TKTL1: variants seen among roughly 807,000 people sequenced by gnomAD.
TKTL1 encodes transketolase like 1, also known as transketolase-like protein 1.
A neutral mutation model predicts 39.3 loss-of-function variants in TKTL1; 1 was observed. The ratio of observed to expected loss-of-function variants is 0.03; its 90% CI spans 0.01 to 0.12. The LOEUF (loss-of-function observed/expected upper bound fraction) is 0.12. Ranked by LOEUF, TKTL1 falls within the 10% of genes least tolerant of loss-of-function variation. The pLI, the probability that TKTL1 is intolerant of heterozygous loss-of-function variation, is 1.00. For synonymous variants in TKTL1, 262 were observed against 193.8 expected, an observed-to-expected ratio of 1.35 and a Z score of -2.92; for missense variants, 575 against 509.6, an observed-to-expected ratio of 1.13 and a Z score of -1.24.
chrX:154,298,729 C>G (rs1477630136), intron 1 of TKTL1, among the ~76,000 whole-genome samples: 4 of 112,000 alleles, frequency 3.6e-5, no homozygotes, highest in African/African-American at 1.3e-4. Flanking sequence ...TAAATTTTTT[C>G]TATTTTCTTA....
chrX:154,311,073 T>G (rs782452282), intron 4 of TKTL1, 38 bp from the exon 5 acceptor site: 24 of 1,210,883 alleles, frequency 2.0e-5, no homozygotes, highest in Non-Finnish European at 2.6e-5. Context: ...TCCTGCCCCC[T>G]TCATCTCTTG....
chrX:154,300,016 T>A (rs2067260906), intron 1 of TKTL1, among the ~76,000 whole-genome samples: 1 of 106,122 alleles, frequency 9.4e-6, no homozygotes, highest in South Asian at 4.2e-4. Flanking sequence ...TAGTATTTTT[T>A]TTTTTTTTTT....
At chrX:154,320,969 T>C (rs1235796824) in intron 8 of TKTL1, 56 bp downstream of exon 8, 2 of 1,130,855 alleles carry the variant, frequency 1.8e-6, no homozygotes, top group South Asian at 3.7e-5. Context: ...AGAGAAAGAT[T>C]AGCATGTGAT....
At chrX:154,320,636 C>T in intron 7 of TKTL1, 121 bp from the exon 8 acceptor site, 1 of 726,502 alleles carries the variant, frequency 1.4e-6, no homozygotes, top group Non-Finnish European at 2.1e-6. Flanking sequence ...GGGAAGGACG[C>T]ATGCTAGAAC....
intron 10 of TKTL1, chrX:154,327,173 T>C (rs1448673885): frequency 1.8e-4 from 47 of 261,594 alleles, no homozygotes; most frequent in Non-Finnish European, 1.2e-4. Context: ...GCTCTGAGAT[T>C]TGCTTTCCTC....
intron 1 of TKTL1, among the ~76,000 whole-genome samples, chrX:154,302,798 GAA>G (rs1557166240): frequency 8.9e-6 from 1 of 111,805 alleles, no homozygotes; most frequent in African/African-American, 3.3e-5. Flanking sequence ...ATAAGAGAAA[GAA>G]AAGAGAGATT....
In TKTL1 at chrX:154,327,648, T is replaced by C; in HGVS notation, c.1459T>C (p.Tyr487His). 8.3e-7 allele frequency: 1 copy of C among 1,211,380 alleles called. No individual in the cohort carries two copies. Among genetic ancestry groups the C allele is most frequent in the Non-Finnish European group, 1.1e-6 (1 of 895,169 alleles). ...VTVIGAGITV[Y>H]EALAAADELS... ...AGTTATTGGAGCTGGAATTACTGTG[T>C]ATGAAGCCTTAGCAGCTGCTGATGA... Residue 487 changes from tyrosine to histidine, a missense_variant, in exon 11 of 13, where the codon TAT becomes CAT. By Grantham distance (83) the Tyr-to-His change is moderately conservative (BLOSUM62 2). Transcript: ENST00000369915.
At chrX:154,323,113 T>C in intron 8 of TKTL1, 94 bp from the exon 9 acceptor site, 1 of 1,091,194 alleles carries the variant, frequency 9.2e-7, no homozygotes, top group Middle Eastern at 3.2e-4. Context: ...CCCGTGGCAA[T>C]AGGAATAATT....
intron 3 of TKTL1, among the ~76,000 whole-genome samples, chrX:154,310,410 G>C (rs1339469529): frequency 8.9e-6 from 1 of 112,265 alleles, no homozygotes; most frequent in Admixed American, 9.4e-5. Context: ...ACTCCAGCCT[G>C]GGTGATGGAA....
At position 154,327,707 on chromosome X, in the gene TKTL1, G is replaced by C; in HGVS notation, c.1498+20G>C. ...AACAAGGTCAGTTGGTTGAGTATGAGCATTGAAGTTCAAGCTGGGAAGAGG... is the reference window on the plus strand; with the variant it reads ...AACAAGGTCAGTTGGTTGAGTATGACCATTGAAGTTCAAGCTGGGAAGAGG... On this transcript the variant is annotated intron_variant, in intron 11 of 12. Coordinates refer to ENST00000369915, the MANE Select transcript of TKTL1 (RefSeq NM_012253.4). The C allele has an allele frequency of 8.3e-7, 1 of 1,203,864 alleles. No individual in the cohort carries two copies. The highest frequency in any genetic ancestry group is 1.1e-6 in the Non-Finnish European group (1 of 888,366).
At chrX:154,297,941 T>G (rs1402326688) in intron 1 of TKTL1, among the ~76,000 whole-genome samples, 1 of 111,755 alleles carries the variant, frequency 8.9e-6, no homozygotes, top group Non-Finnish European at 1.9e-5. Flanking sequence ...TGAAGAAGAC[T>G]GTTGTTAATT....
Position 154,315,050 on chromosome X carries a change from G to C in TKTL1, c.865-123G>C, listed in dbSNP as rs111649353. Reference sequence around the variant, plus strand: ...TTAAAGGAAATTTTTGGTGAGTCACGAATTTACTTTCTTCAAGATAGATGA... The same window carrying C: ...TTAAAGGAAATTTTTGGTGAGTCACCAATTTACTTTCTTCAAGATAGATGA... On this transcript the variant is annotated intron_variant, in intron 6 of 12. Coordinates refer to ENST00000369915, the MANE Select transcript of TKTL1 (RefSeq NM_012253.4). 32 of 796,130 alleles carry C rather than the reference G, an allele frequency of 4.0e-5. 1 individual carries two copies. In the South Asian group the frequency reaches 9.9e-4, roughly 25 times the overall value. 65.6% of individuals were successfully genotyped at this position (796,130 alleles called of 1,213,427 possible).
chrX:154,297,809 T>G (rs1385125616), intron 1 of TKTL1, among the ~76,000 whole-genome samples: 1 of 111,271 alleles, frequency 9.0e-6, no homozygotes, highest in Non-Finnish European at 1.9e-5. Flanking sequence ...TGGTGGCACG[T>G]GCCTGTAGTC....
intron 7 of TKTL1, among the ~76,000 whole-genome samples, chrX:154,317,911 G>A (rs782665985): frequency 9.0e-6 from 1 of 111,053 alleles, no homozygotes; most frequent in Non-Finnish European, 1.9e-5. Flanking sequence ...GGCCTGGGGG[G>A]TTGGGGCACC....
intron 9 of TKTL1, among the ~76,000 whole-genome samples, chrX:154,324,987 T>A (rs1343742180): frequency 8.9e-6 from 1 of 112,008 alleles, no homozygotes; most frequent in Non-Finnish European, 1.9e-5. Flanking sequence ...GCATTACAAG[T>A]TATTGTGGCA....
intron 8 of TKTL1, 79 bp from the exon 9 acceptor site, chrX:154,323,128 C>T (rs1207332346): frequency 9.2e-5 from 105 of 1,145,641 alleles, no homozygotes; most frequent in Non-Finnish European, 1.1e-4. Flanking sequence ...ATAATTGCTT[C>T]TTCAGAGCTA....
chrX:154,298,478 G>A (rs1160271579), intron 1 of TKTL1, among the ~76,000 whole-genome samples: 5 of 112,224 alleles, frequency 4.5e-5, no homozygotes, highest in African/African-American at 1.3e-4. Flanking sequence ...TTAGGAGGCC[G>A]AGGCAGCTGG....
Position 154,311,122 on chromosome X carries a change from A to C in TKTL1, c.554A>C (p.Tyr185Ser), listed in dbSNP as rs782452162. ...RRCEAFGWNT[Y>S]VVDGRDVEAL... ...TCCTCTGTTGGCAGGTGGAACACTT[A>C]TGTGGTGGACGGCCGGGACGTGGAG... is the stretch of plus-strand genomic sequence containing the variant. Residue 185 changes from tyrosine to serine, a missense_variant, in exon 5 of 13, where the codon TAT becomes TCT. Transcript: ENST00000369915. 5 of 1,211,699 alleles carry C rather than the reference A, an allele frequency of 4.1e-6. No homozygotes were observed. Among genetic ancestry groups the C allele is most frequent in the Non-Finnish European group, 5.6e-6 (5 of 895,468 alleles).
intron 7 of TKTL1, among the ~76,000 whole-genome samples, chrX:154,318,533 A>G (rs2067421272): frequency 9.6e-6 from 1 of 103,727 alleles, no homozygotes; most frequent in African/African-American, 3.6e-5. Flanking sequence ...CCCCTTCTCT[A>G]CTAAAAATAC....
Sources: gnomAD v4.1 joint callset for allele counts (sites outside exome capture counted in the v4.1 genomes callset) on GRCh38, gnomAD v4.1.1 for gene constraint, MANE v1.5 for transcripts, NCBI Gene and HGNC (gene_info 2026-07-23, HGNC 2026-07-21) for gene names.